HK2: variants seen among roughly 807,000 people sequenced by gnomAD.
HK2 encodes hexokinase-2.
HK2 carries 42 observed loss-of-function variants against 92.9 expected under a neutral mutation model. The ratio of observed to expected loss-of-function variants is 0.45; its 90% CI spans 0.35 to 0.58. The LOEUF (loss-of-function observed/expected upper bound fraction) is 0.58. HK2 is among the 20% of genes least tolerant of loss of function. The pLI, the probability that HK2 is intolerant of heterozygous loss-of-function variation, is 0.00. For synonymous variants in HK2, 422 were observed against 468.0 expected, an observed-to-expected ratio of 0.90 and a Z score of 1.27; for missense variants, 978 against 1,245.1, an observed-to-expected ratio of 0.79 and a Z score of 3.23.
At chr2:74,875,287 TC>T (rs1355509209) in intron 7 of HK2, among the ~76,000 whole-genome samples, 1 of 150,696 alleles carries the variant, frequency 6.6e-6, no homozygotes, top group African/African-American at 2.4e-5. Context: ...ACCCTATAAA[TC>T]AAGTCAGTGG....
chr2:74,878,859 A>C lies in HK2; in HGVS notation c.1203A>C (p.Lys401Asn). 1.9e-6 allele frequency: 3 copies of C among 1,553,190 alleles called. No homozygotes were observed. The highest frequency in any genetic ancestry group is 2.6e-6 in the Non-Finnish European group (3 of 1,147,802). ...AAVLQRIKEN[K>N]GEERLRSTIG... ...TGCTGCAGCGCATCAAGGAGAACAAAGGCGAGGAGCGGCTGCGCTCTACTA... is the reference window on the plus strand; with the variant it reads ...TGCTGCAGCGCATCAAGGAGAACAACGGCGAGGAGCGGCTGCGCTCTACTA... The change falls in exon 9 of 18, where the codon AAA becomes AAC. Residue 401 changes from lysine to asparagine, a missense_variant. By Grantham distance (94) the Lys-to-Asn change is moderately conservative. This residue lies in a region of HK2 where 742 missense variants were observed against 922.5 expected (regional missense o/e 0.80). Coordinates refer to ENST00000290573, the MANE Select transcript of HK2 (RefSeq NM_000189.5).
At chr2:74,874,499 A>C in intron 7 of HK2, 50 bp downstream of exon 7, 1 of 1,533,806 alleles carries the variant, frequency 6.5e-7, no homozygotes, top group Non-Finnish European at 8.8e-7. Context: ...CCTGGAGCTG[A>C]GTCTGGGGCT....
At chr2:74,854,532 T>A in intron 2 of HK2, 77 bp downstream of exon 2, 1 of 1,547,196 alleles carries the variant, frequency 6.5e-7, no homozygotes, top group Non-Finnish European at 8.9e-7. Context: ...GGGACCCAAA[T>A]AACTCAAAAG....
At chr2:74,879,186 C>A (rs1210026452) in intron 9 of HK2, among the ~76,000 whole-genome samples, 1 of 152,150 alleles carries the variant, frequency 6.6e-6, no homozygotes, top group Non-Finnish European at 1.5e-5. Context: ...CTCTTTGCCA[C>A]CCTCTTGTAT....
intron 2 of HK2, among the ~76,000 whole-genome samples, chr2:74,858,564 AACC>A (rs1688743667): frequency 6.6e-6 from 1 of 152,190 alleles, no homozygotes; most frequent in East Asian, 1.9e-4. Context: ...TGCAGCCACA[AACC>A]ACCACTGCAA....
At chr2:74,865,881 T>C (rs112223793) in intron 2 of HK2, among the ~76,000 whole-genome samples, 7,945 of 152,136 alleles carry the variant, frequency 0.052, 724 homozygotes, top group African/African-American at 0.18. Flanking sequence ...GAGTGTGTCC[T>C]GAGTTCTTGG....
chr2:74,862,562 T>C (rs1545522), intron 2 of HK2, among the ~76,000 whole-genome samples: 36,077 of 152,058 alleles, frequency 0.24, 4,842 homozygotes, highest in East Asian at 0.51. Context: ...ATACGTTGCA[T>C]GGAAGCTGGT....
At chr2:74,867,117 C>T (rs754055952) in intron 2 of HK2, among the ~76,000 whole-genome samples, 2 of 152,092 alleles carry the variant, frequency 1.3e-5, no homozygotes, top group Middle Eastern at 3.4e-3. Context: ...GTGAGCACAT[C>T]GTTGGATGCG....
chr2:74,879,045 T>C, intron 9 of HK2, 124 bp downstream of exon 9: 2 of 847,298 alleles, frequency 2.4e-6, no homozygotes, highest in East Asian at 5.3e-5. Context: ...GCTGAGGGTC[T>C]TGGTGGAATG....
In HK2 at chr2:74,889,342, G is replaced by A. The variant is rs898229537; in HGVS notation, c.2473G>A (p.Val825Met). ...DSIIVKEVCTVVARRAAQLCG... is the reference protein window; with the variant it reads ...DSIIVKEVCTMVARRAAQLCG... ...CATCATTGTTAAGGAGGTGTGCACT[G>A]TGGTGGCCCGGCGGGCAGCCCAGCT... The change falls in exon 17 of 18, where the codon GTG becomes ATG. Residue 825 changes from valine (V) to methionine (M), a missense_variant. Val to Met is a conservative substitution (Grantham distance 21). This residue lies in a region of HK2 where 742 missense variants were observed against 922.5 expected (regional missense o/e 0.80). Transcript: ENST00000290573. The A allele has an allele frequency of 1.1e-5, 18 of 1,614,116 alleles. 1 individual carries two copies. The highest frequency in any genetic ancestry group is 2.2e-5 in the South Asian group (2 of 91,086).
chr2:74,884,594 G>GAC (rs1479182105), intron 12 of HK2, among the ~76,000 whole-genome samples: 1 of 152,246 alleles, frequency 6.6e-6, no homozygotes, highest in Non-Finnish European at 1.5e-5. Flanking sequence ...AACACAGTGT[G>GAC]ACACCTCCAG....
At chr2:74,852,492 T>C (rs1313428670) in intron 1 of HK2, among the ~76,000 whole-genome samples, 1 of 152,170 alleles carries the variant, frequency 6.6e-6, no homozygotes, top group Non-Finnish European at 1.5e-5. Flanking sequence ...AATGTCCTTG[T>C]TGGGGAGGCC....
chr2:74,872,570 G>C (rs1212572557), intron 4 of HK2, 151 bp downstream of exon 4: 2 of 647,812 alleles, frequency 3.1e-6, no homozygotes, highest in South Asian at 1.4e-5. Flanking sequence ...GTATGTCGAT[G>C]GGGGGGCTGG....
At chr2:74,870,131 C>G (rs915684892) in intron 3 of HK2, among the ~76,000 whole-genome samples, 2 of 151,840 alleles carry the variant, frequency 1.3e-5, no homozygotes, top group Non-Finnish European at 2.9e-5. Flanking sequence ...TCCTCAGCCT[C>G]CCGAGTAGCT....
intron 1 of HK2, among the ~76,000 whole-genome samples, chr2:74,835,600 TA>T (rs1469520204): frequency 2.0e-5 from 3 of 150,048 alleles, no homozygotes; most frequent in African/African-American, 7.4e-5. Context: ...CGCCTCGGGG[TA>T]TGGGGGTGGG....
At chr2:74,847,371 G>A (rs1210460454) in intron 1 of HK2, among the ~76,000 whole-genome samples, 4 of 152,088 alleles carry the variant, frequency 2.6e-5, no homozygotes, top group Admixed American at 2.0e-4. Flanking sequence ...TCAAACTGGC[G>A]AGATGATTAC....
chr2:74,834,464 C>A lies in HK2; in HGVS notation c.-117C>A, dbSNP rs1421985686. ...GCCTTCTTTGTGCGCCGTCCGGACT[C>A]CCAGCTCCCGGCCCGGCAGCCGAGC... On this transcript the variant is annotated 5_prime_UTR_variant, in exon 1 of 18. Coordinates refer to ENST00000290573, the MANE Select transcript of HK2 (RefSeq NM_000189.5). The surrounding 1 kb of genome is among the most constrained non-coding windows in gnomAD (Gnocchi z 4.2). 6 of 1,044,672 alleles carry A rather than the reference C, an allele frequency of 5.7e-6. No homozygotes were observed. The highest frequency in any genetic ancestry group is 8.8e-6 in the Non-Finnish European group (6 of 680,494). 64.7% of individuals were successfully genotyped at this position (1,044,672 alleles called of 1,614,324 possible). A position where few individuals can be genotyped will look rare whatever the true frequency, so the allele number is the denominator to read the frequency against.
intron 1 of HK2, among the ~76,000 whole-genome samples, chr2:74,844,949 A>G (rs1428600129): frequency 3.3e-5 from 5 of 152,142 alleles, no homozygotes; most frequent in Non-Finnish European, 7.4e-5. Flanking sequence ...AGCACCTATT[A>G]TATCCTAGTA....
At position 74,891,779 on chromosome 2, in the gene HK2, T is replaced by C. The variant is rs1689685176; in HGVS notation, c.*838T>C. 1.2e-5 allele frequency: 1 copy of C among 86,262 alleles called. No homozygotes were observed. The highest frequency in any genetic ancestry group is 2.1e-5 in the Non-Finnish European group (1 of 47,062). The allele number at this position is 86,262 out of a possible 1,614,324, so 5.3% of individuals were successfully genotyped here. ...CTTGAGTAGATCTGCTTCTTCATCT[T>C]GACATGTAATGAATGGTCAGTTGTA... On this transcript the variant is annotated 3_prime_UTR_variant, in exon 18 of 18. Transcript: ENST00000290573.
Sources: gnomAD v4.1 joint callset for allele counts (sites outside exome capture counted in the v4.1 genomes callset) on GRCh38, gnomAD v4.1.1 for gene constraint, gnomAD v4.1.1 regional missense constraint, Gnocchi (gnomAD v3.1) non-coding constraint, MANE v1.5 for transcripts, NCBI Gene and HGNC (gene_info 2026-07-23, HGNC 2026-07-21) for gene names.